The following SEPTIN9 variants were observed in gnomAD, a reference collection of about 807,000 sequenced individuals.
SEPTIN9 encodes the protein septin-9.
SEPTIN9 carries 13 observed loss-of-function variants against 56.6 expected under a neutral mutation model. The observed-to-expected ratio is 0.23, with a 90% CI of 0.15 to 0.37. SEPTIN9 has a LOEUF of 0.37. Ranked by LOEUF, SEPTIN9 falls within the 10% of genes least tolerant of loss-of-function variation. SEPTIN9 has a pLI of 1.00. For missense variants in SEPTIN9, 650 were observed against 823.1 expected (o/e 0.79, Z 2.57); for synonymous variants, 332 against 334.1 (o/e 0.99, Z 0.07).
chr17:77,402,126 G>A lies in SEPTIN9; in HGVS notation c.144G>A (p.Gln48=). The change falls in exon 3 of 12, where the codon CAG becomes CAA. Residue 48 remains glutamine, a synonymous_variant. Transcript: ENST00000427177. The surrounding 1 kb of genome is among the most constrained non-coding windows in gnomAD (Gnocchi z 6.6). ...ACTCCACCCCACCCCGGAGGGTCCA[G>A]ACTCCCCTACTCCGAGCCACTGTGG... is the stretch of plus-strand genomic sequence containing the variant. ...TPNSTPPRRV[Q]TPLLRATVAS... 1 of 1,613,922 alleles carries A rather than the reference G, an allele frequency of 6.2e-7. No individual in the cohort carries two copies. Among genetic ancestry groups the A allele is most frequent in the Non-Finnish European group, 8.5e-7 (1 of 1,179,872 alleles).
intron 2 of SEPTIN9, among the ~76,000 whole-genome samples, chr17:77,381,922 G>A (rs1342601566): frequency 1.3e-5 from 2 of 152,246 alleles, no homozygotes; most frequent in African/African-American, 4.8e-5. Context: ...GAACGGGAGG[G>A]CTTCCTGGAG....
At chr17:77,428,963 G>C (rs2144266048) in intron 3 of SEPTIN9, 1 of 463,794 alleles carries the variant, frequency 2.2e-6, no homozygotes, top group South Asian at 1.6e-5. Context: ...CACAGCCCTG[G>C]TTATACAGTC....
rs1424136429 is a variant in SEPTIN9, at chr17:77,445,985, C to T, written c.722-36159C>T. Reference sequence around the variant, plus strand: ...CAGCCTTGGAAAATCCAACACAGAACCCCGAGTAGGGGCGGGAAGGGGTCC... The same window carrying T: ...CAGCCTTGGAAAATCCAACACAGAATCCCGAGTAGGGGCGGGAAGGGGTCC... On this transcript the variant is annotated intron_variant, in intron 3 of 11. Transcript: ENST00000427177. This position sits in a 1 kb window ranked among gnomAD's most constrained non-coding sequence, Gnocchi z 4.7. 1.2e-5 allele frequency: 2 copies of T among 169,200 alleles called. No homozygotes were observed. The highest frequency in any genetic ancestry group is 4.8e-5 in the African/African-American group (2 of 41,456). The allele number at this position is 169,200 out of a possible 1,614,324, so 10.5% of individuals were successfully genotyped here. A position where few individuals can be genotyped will look rare whatever the true frequency, so the allele number is the denominator to read the frequency against.
rs1012802641 is a variant in SEPTIN9 at position 77,284,201 on chromosome 17, G to C, written c.19+2647G>C. ...GGAGGCTACTCAGGAGGCTGAGACA[G>C]GAGGATCGCTTGAAGCCAGGAGTTC... is the stretch of plus-strand genomic sequence containing the variant. On this transcript the variant is annotated intron_variant, in intron 1 of 11. Transcript: ENST00000427177. Among the ~76,000 whole-genome samples the C allele has an allele frequency of 2.9e-5, 4 of 136,650 alleles. No homozygotes were observed. In the East Asian group the frequency reaches 5.8e-4, roughly 20 times the overall value. 89.6% of individuals were successfully genotyped at this position (136,650 alleles called of 152,430 possible). A position where few individuals can be genotyped will look rare whatever the true frequency, so the allele number is the denominator to read the frequency against.
intron 3 of SEPTIN9, among the ~76,000 whole-genome samples, chr17:77,480,639 C>T (rs75650126): frequency 0.02 from 3,121 of 152,332 alleles, 114 homozygotes; most frequent in African/African-American, 0.071. Flanking sequence ...CTGCAGCCTC[C>T]CGTGCTGTGG....
chr17:77,394,819 A>G (rs2035651149), intron 2 of SEPTIN9, among the ~76,000 whole-genome samples: 1 of 152,166 alleles, frequency 6.6e-6, no homozygotes, highest in African/African-American at 2.4e-5. Context: ...ATTCCTCTCT[A>G]AATAGGCCCA....
At chr17:77,286,010 C>T (rs1397646808) in intron 1 of SEPTIN9, among the ~76,000 whole-genome samples, 1 of 152,236 alleles carries the variant, frequency 6.6e-6, no homozygotes, top group Admixed American at 6.5e-5. Flanking sequence ...TTCCTCTTCT[C>T]CCCCAGCCCC....
chr17:77,479,583 G>A (rs2039365720), intron 3 of SEPTIN9, among the ~76,000 whole-genome samples: 2 of 152,224 alleles, frequency 1.3e-5, no homozygotes, highest in African/African-American at 2.4e-5. Context: ...TTTCTCAAGC[G>A]GGGCCCCTGG....
At chr17:77,338,807 C>T (rs2033637756) in intron 2 of SEPTIN9, among the ~76,000 whole-genome samples, 1 of 152,208 alleles carries the variant, frequency 6.6e-6, no homozygotes, top group South Asian at 2.1e-4. Context: ...TTGATAGCAT[C>T]TTACCCACAA....
At position 77,343,109 on chromosome 17, in the gene SEPTIN9, G is replaced by A. The variant is rs181699638; in HGVS notation, c.76+35912G>A. On this transcript the variant is annotated intron_variant, in intron 2 of 11. Coordinates refer to ENST00000427177, the MANE Select transcript of SEPTIN9 (RefSeq NM_001113491.2). Reference sequence around the variant, plus strand: ...ACTCTTGAAATCTCCAAAGTGATGGGTGTCTTTTTGTTTGCTAAGGAGGCG... The same window carrying A: ...ACTCTTGAAATCTCCAAAGTGATGGATGTCTTTTTGTTTGCTAAGGAGGCG... Among the ~76,000 whole-genome samples the A allele has an allele frequency of 1.7e-4, 26 of 152,174 alleles. 1 individual carries two copies. The highest frequency in any genetic ancestry group is 6.3e-4 in the African/African-American group (26 of 41,512).
chr17:77,431,636 C>A (rs1020395031), intron 3 of SEPTIN9, among the ~76,000 whole-genome samples: 53 of 152,114 alleles, frequency 3.5e-4, no homozygotes, highest in African/African-American at 1.2e-3. Flanking sequence ...TGAGACCAGC[C>A]TGGGCAACAT....
chr17:77,353,903 C>T (rs1374899721), intron 2 of SEPTIN9, among the ~76,000 whole-genome samples: 1 of 152,184 alleles, frequency 6.6e-6, no homozygotes, highest in Admixed American at 6.5e-5. Flanking sequence ...TGTGTGCACA[C>T]ATGTATGCAC....
chr17:77,388,586 A>C (rs939269904), intron 2 of SEPTIN9, among the ~76,000 whole-genome samples: 10 of 152,086 alleles, frequency 6.6e-5, no homozygotes, highest in Admixed American at 2.0e-4. Flanking sequence ...CGGTCCTCCA[A>C]ACCTCTCCCC....
At chr17:77,321,684 G>A (rs115157954) in intron 2 of SEPTIN9, among the ~76,000 whole-genome samples, 2,561 of 152,334 alleles carry the variant, frequency 0.017, 62 homozygotes, top group African/African-American at 0.054. Context: ...CACGGCGCCC[G>A]GCCTCAGGGC....
At chr17:77,482,983 CT>C (rs918604133) in intron 4 of SEPTIN9, 24 of 177,546 alleles carry the variant, frequency 1.4e-4, no homozygotes, top group South Asian at 5.3e-4. Flanking sequence ...AGAAGCGAGG[CT>C]CAGGGAAGGC....
intron 1 of SEPTIN9, among the ~76,000 whole-genome samples, chr17:77,282,564 G>A (rs2031075299): frequency 6.6e-6 from 1 of 152,162 alleles, no homozygotes; most frequent in Admixed American, 6.5e-5. Context: ...GGCCATTGTC[G>A]GTTTCCTCTG....
chr17:77,374,364 G>A (rs1304969306), intron 2 of SEPTIN9: 1 of 152,576 alleles, frequency 6.6e-6, no homozygotes, highest in Non-Finnish European at 1.5e-5. Context: ...GCCTGTGAGT[G>A]CGTGCGCTTT....
chr17:77,301,144 C>T lies in SEPTIN9; in HGVS notation c.20-5997C>T, dbSNP rs1047947876. ...TGGGAAGGAGCCACAGGGAAACAAA[C>T]GGGGGAGGCACGGATGACCAGGATG... is the stretch of plus-strand genomic sequence containing the variant. On this transcript the variant is annotated intron_variant, in intron 1 of 11. Transcript: ENST00000427177. Among the ~76,000 whole-genome samples, 35 of 152,004 alleles carry T rather than the reference C, an allele frequency of 2.3e-4. No individual in the cohort carries two copies. The East Asian group carries it at 2.5e-3, about 11-fold the overall frequency.
intron 2 of SEPTIN9, among the ~76,000 whole-genome samples, chr17:77,361,269 C>T (rs1399123152): frequency 6.6e-6 from 1 of 152,214 alleles, no homozygotes; most frequent in Non-Finnish European, 1.5e-5. Flanking sequence ...GATTTGCCTA[C>T]TGATGTCTGT....
Sources: gnomAD v4.1 joint callset for allele counts (sites outside exome capture counted in the v4.1 genomes callset) on GRCh38, gnomAD v4.1.1 for gene constraint, Gnocchi (gnomAD v3.1) non-coding constraint, MANE v1.5 for transcripts, NCBI Gene and HGNC (gene_info 2026-07-23, HGNC 2026-07-21) for gene names.